Variants in TDRD9 observed in about 807,000 individuals in gnomAD.
TDRD9 encodes the protein ATP-dependent RNA helicase TDRD9.
Under a neutral mutation model 172.6 loss-of-function variants are expected in TDRD9, and 124 were observed. That is an observed-to-expected ratio of 0.72 (90% CI 0.62 to 0.83). The LOEUF is 0.83. Ranked by LOEUF, TDRD9 falls within the 40% of genes least tolerant of loss-of-function variation. TDRD9 has a pLI of 0.00. For synonymous variants in TDRD9, 619 were observed against 617.1 expected, an observed-to-expected ratio of 1.00 and a Z score of -0.05; for missense variants, 1,479 against 1,714.1, an observed-to-expected ratio of 0.86 and a Z score of 2.42.
At chr14:103,985,700 C>T (rs941507025) in intron 7 of TDRD9, among the ~76,000 whole-genome samples, 11 of 152,156 alleles carry the variant, frequency 7.2e-5, no homozygotes, top group Non-Finnish European at 1.0e-4. Context: ...ACGGATACCT[C>T]ATCATGAGGT....
At chr14:103,938,410 GTGTGTATA>G (rs1390261061) in intron 1 of TDRD9, among the ~76,000 whole-genome samples, 30 of 73,276 alleles carry the variant, frequency 4.1e-4, no homozygotes, top group Admixed American at 3.7e-3. Context: ...GTGTGTGTGT[GTGTGTATA>G]TATATATATA....
Position 104,006,772 on chromosome 14 carries a change from C to G in TDRD9, c.1944-10C>G, listed in dbSNP as rs894922575. 4 of 1,613,344 alleles carry G rather than the reference C, an allele frequency of 2.5e-6. No individual in the cohort carries two copies. Among genetic ancestry groups the G allele is most frequent in the Non-Finnish European group, 3.4e-6 (4 of 1,179,578 alleles). On this transcript the variant is annotated splice_polypyrimidine_tract_variant and intron_variant, in intron 17 of 35. Transcript: ENST00000409874. ...TAATGGTATTGAATGACACTGTTATCTGTTTATAGGAACAAAGTGAATTTC... is the reference window on the plus strand; with the variant it reads ...TAATGGTATTGAATGACACTGTTATGTGTTTATAGGAACAAAGTGAATTTC...
At position 104,018,133 on chromosome 14, in the gene TDRD9, A is replaced by G. The variant is rs2034847313; in HGVS notation, c.2373A>G (p.Gln791=). 2.5e-6 allele frequency: 4 copies of G among 1,609,060 alleles called. No individual in the cohort carries two copies. Among genetic ancestry groups the G allele is most frequent in the Non-Finnish European group, 3.4e-6 (4 of 1,176,716 alleles). The part of the protein sequence containing the change: ...IPPYGFLYYK[Q]LQSLFRQCGQ... ...CCTATGGATTTCTTTACTATAAACA[A>G]CTACAGTCTCTCTTTAGACAGTGTG... The change falls in exon 23 of 36, where the codon CAA becomes CAG. Residue 791 remains glutamine, a synonymous_variant. Transcript: ENST00000409874.
At position 103,963,115 on chromosome 14, in the gene TDRD9, C is replaced by A; in HGVS notation, c.359C>A (p.Thr120Lys). Residue 120 changes from threonine to lysine, a missense_variant, in exon 3 of 36, where the codon ACA becomes AAA. Physicochemically the swap from Thr to Lys is moderately conservative, Grantham distance 78. Around this residue, in one of 3 missense-constraint regions of TDRD9, gnomAD observed 1,413 missense variants for 1,649.1 expected, o/e 0.86. Coordinates refer to ENST00000409874, the MANE Select transcript of TDRD9 (RefSeq NM_153046.3). ...RPSLAKLSSV[T>K]CIPGTTYKYP... ...TCTTTGGCTAAATTAAGCAGTGTGA[C>A]ATGCATCCCAGGGACAACTTATAAA... 1.3e-6 allele frequency: 2 copies of A among 1,549,666 alleles called. No homozygotes were observed. The highest frequency in any genetic ancestry group is 1.7e-6 in the Non-Finnish European group (2 of 1,146,020).
intron 34 of TDRD9, 24 bp from the exon 35 acceptor site, chr14:104,049,584 T>A: frequency 6.6e-7 from 1 of 1,516,032 alleles, no homozygotes; most frequent in Non-Finnish European, 8.9e-7. Flanking sequence ...ATAATTAAGA[T>A]AATTTCTTTT....
rs759393919 is a variant in TDRD9 at position 103,991,230 on chromosome 14, A to T, written c.1180+6A>T. 26 of 1,613,840 alleles carry T rather than the reference A, an allele frequency of 1.6e-5. No homozygotes were observed. In the Admixed American group the frequency reaches 4.2e-4, roughly 26 times the overall value. ...TGTGTTGGTGTTTTTGCCAGGTAAGAACATCATAATTTTGTGACTTGGAAT... is the reference window on the plus strand; with the variant it reads ...TGTGTTGGTGTTTTTGCCAGGTAAGTACATCATAATTTTGTGACTTGGAAT... On this transcript the variant is annotated splice_donor_region_variant and intron_variant, in intron 9 of 35. Transcript: ENST00000409874.
chr14:104,045,144 G>GA (rs143411044), intron 34 of TDRD9, among the ~76,000 whole-genome samples: 112 of 140,484 alleles, frequency 8.0e-4, no homozygotes, highest in East Asian at 1.2e-3. Flanking sequence ...ACTCTATCAG[G>GA]AAAAAAAAAA....
rs913370600 is a variant in TDRD9 at position 103,955,769 on chromosome 14, A to G, written c.321A>G (p.Pro107=). The change falls in exon 2 of 36, where the codon CCA becomes CCG. Residue 107 remains proline (P), a splice_region_variant and synonymous_variant. Coordinates refer to ENST00000409874, the MANE Select transcript of TDRD9 (RefSeq NM_153046.3). ...VCRSVQPTSG[P]GPRPSLAKLS... is the part of the protein sequence containing the mutation. Reference sequence around the variant, plus strand: ...GCAGTGTCCAACCAACCAGTGGGCCAGGTAAACAGGTCTCTTTAAATATTT... The same window carrying G: ...GCAGTGTCCAACCAACCAGTGGGCCGGGTAAACAGGTCTCTTTAAATATTT... 13 of 1,550,118 alleles carry G rather than the reference A, an allele frequency of 8.4e-6. No homozygotes were observed. The highest frequency in any genetic ancestry group is 1.1e-5 in the Non-Finnish European group (13 of 1,146,198).
Position 104,022,208 on chromosome 14 carries a change from T to G in TDRD9, c.2484T>G (p.Pro828=), listed in dbSNP as rs1184512390. 5 of 1,585,610 alleles carry G rather than the reference T, an allele frequency of 3.2e-6. No individual in the cohort carries two copies. The highest frequency in any genetic ancestry group is 1.7e-4 in the Middle Eastern group (1 of 6,026). The change falls in exon 24 of 36, where the codon CCT becomes CCG. Residue 828 remains proline, a synonymous_variant. Coordinates refer to ENST00000409874, the MANE Select transcript of TDRD9 (RefSeq NM_153046.3). ...CAACAGAGAGATTTAAAACCCTTCC[T>G]GCAGTATATATGGCAATTAAGATGT... is the stretch of plus-strand genomic sequence containing the variant. ...RNPTERFKTL[P]AVYMAIKMSQ...
chr14:103,994,962 AAAAG>A (rs1303286908), intron 11 of TDRD9, among the ~76,000 whole-genome samples: 1 of 32,406 alleles, frequency 3.1e-5, no homozygotes, highest in Non-Finnish European at 1.8e-4. Flanking sequence ...ACAAAAAAAA[AAAAG>A]AAAAAAAAAT....
At chr14:104,046,602 A>G (rs1056792712) in intron 34 of TDRD9, among the ~76,000 whole-genome samples, 1 of 152,076 alleles carries the variant, frequency 6.6e-6, no homozygotes, top group African/African-American at 2.4e-5. Flanking sequence ...CCAGTGCTAT[A>G]CTGTCTTAAT....
chr14:103,932,523 G>A (rs187248243), intron 1 of TDRD9, among the ~76,000 whole-genome samples: 2,916 of 152,276 alleles, frequency 0.019, 50 homozygotes, highest in Middle Eastern at 0.045. Context: ...GAGTAGCTGG[G>A]ACTACAGGCG....
At chr14:104,039,786 T>C (rs1813456269) in intron 32 of TDRD9, among the ~76,000 whole-genome samples, 1 of 152,160 alleles carries the variant, frequency 6.6e-6, no homozygotes, top group South Asian at 2.1e-4. Context: ...TTTAGGCTTT[T>C]ACTAAGTGCT....
chr14:103,963,275 A>T lies in TDRD9; in HGVS notation c.420+99A>T, dbSNP rs1290205583. The T allele has an allele frequency of 4.8e-6, 4 of 841,184 alleles. No homozygotes were observed. The African/African-American group carries it at 6.8e-5, about 14-fold the overall frequency. The allele number at this position is 841,184 out of a possible 1,614,324, so 52.1% of individuals were successfully genotyped here. On this transcript the variant is annotated intron_variant, in intron 3 of 35. Coordinates refer to ENST00000409874, the MANE Select transcript of TDRD9 (RefSeq NM_153046.3). ...TTTGAAAGTTACCAGTTGCCAGGTG[A>T]ACACTTCTGTGGTGTACAAGGTTCT...
At chr14:103,974,725 C>T (rs1005980435) in intron 6 of TDRD9, among the ~76,000 whole-genome samples, 6 of 152,122 alleles carry the variant, frequency 3.9e-5, no homozygotes, top group Non-Finnish European at 8.8e-5. Flanking sequence ...ACTGCAGCCT[C>T]GACCTCCTTG....
At chr14:104,035,805 G>A (rs890159745) in intron 32 of TDRD9, among the ~76,000 whole-genome samples, 1 of 152,096 alleles carries the variant, frequency 6.6e-6, no homozygotes, top group East Asian at 1.9e-4. Flanking sequence ...TCAAGAGTCG[G>A]GGGCATGGAA....
chr14:104,012,516 T>A, intron 20 of TDRD9, among the ~76,000 whole-genome samples: 1 of 79,036 alleles, frequency 1.3e-5, no homozygotes, highest in East Asian at 3.8e-4. Context: ...AATCATTGCT[T>A]TTTTTTTTTT....
chr14:104,023,611 A>G (rs2035030199), intron 24 of TDRD9, among the ~76,000 whole-genome samples: 1 of 152,254 alleles, frequency 6.6e-6, no homozygotes, highest in African/African-American at 2.4e-5. Flanking sequence ...TGAGTCACCC[A>G]TGGTATTTGT....
chr14:104,026,541 C>T (rs2035123682), intron 27 of TDRD9, 138 bp from the exon 28 acceptor site: 2 of 986,770 alleles, frequency 2.0e-6, no homozygotes, highest in African/African-American at 1.6e-5. Context: ...ATTCTCACTA[C>T]CCCAACATTA....
Sources: allele counts gnomAD v4.1 joint callset (sites outside exome capture counted in the v4.1 genomes callset), GRCh38; gene constraint gnomAD v4.1.1; regional missense constraint gnomAD v4.1.1; transcripts MANE v1.5; gene names NCBI Gene and HGNC (gene_info 2026-07-23, HGNC 2026-07-21).